CTPS2: variants seen among roughly 807,000 people sequenced by gnomAD.
CTPS2 encodes CTP synthase 2.
A neutral mutation model predicts 46.8 loss-of-function variants in CTPS2; 19 were observed. The observed-to-expected ratio is 0.41, with a 90% CI of 0.28 to 0.60. The LOEUF is 0.60. Among genes scored for constraint, CTPS2 ranks in the 20% least tolerant of loss-of-function variants. The pLI is 0.35. For synonymous variants in CTPS2, 151 were observed against 165.2 expected, an observed-to-expected ratio of 0.91 and a Z score of 0.66; for missense variants, 286 against 447.6, an observed-to-expected ratio of 0.64 and a Z score of 3.26.
chrX:16,603,612 C>CTAT (rs3053007), intron 17 of CTPS2, among the ~76,000 whole-genome samples: 31,272 of 107,899 alleles, frequency 0.29, 3,845 homozygotes, highest in African/African-American at 0.43. Flanking sequence ...GATACACTCA[C>CTAT]TATTATTACA....
intron 13 of CTPS2, among the ~76,000 whole-genome samples, chrX:16,640,222 G>A (rs1932013772): frequency 9.0e-6 from 1 of 111,664 alleles, no homozygotes; most frequent in Admixed American, 9.6e-5. Flanking sequence ...CTGAGTGCTG[G>A]TTCTTTGAGT....
intron 17 of CTPS2, among the ~76,000 whole-genome samples, chrX:16,593,186 T>C (rs770205710): frequency 3.6e-5 from 4 of 111,565 alleles, no homozygotes; most frequent in Admixed American, 1.9e-4. Flanking sequence ...TCCCAGCACG[T>C]TGGGAGGCCA....
At chrX:16,601,828 C>A (rs1221502681) in intron 17 of CTPS2, among the ~76,000 whole-genome samples, 1 of 111,990 alleles carries the variant, frequency 8.9e-6, no homozygotes, top group African/African-American at 3.3e-5. Flanking sequence ...TCATTTCTGC[C>A]ATGTCAAGTG....
chrX:16,639,957 C>T (rs1431217479), intron 13 of CTPS2, among the ~76,000 whole-genome samples: 3 of 111,320 alleles, frequency 2.7e-5, no homozygotes, highest in Non-Finnish European at 5.7e-5. Context: ...TCTGTCAAGT[C>T]CTGTGGATTT....
chrX:16,646,248 G>A (rs964763032), intron 13 of CTPS2, among the ~76,000 whole-genome samples: 1 of 112,469 alleles, frequency 8.9e-6, no homozygotes, highest in African/African-American at 3.2e-5. Context: ...GGTTGAGGGT[G>A]CAGGCTGGGC....
intron 13 of CTPS2, among the ~76,000 whole-genome samples, chrX:16,652,350 A>G (rs2147266014): frequency 8.9e-6 from 1 of 112,123 alleles, no homozygotes; most frequent in Non-Finnish European, 1.9e-5. Flanking sequence ...TTTTAACCAG[A>G]AATGTCCCTT....
At chrX:16,686,229 C>T (rs1051291399) in intron 8 of CTPS2, among the ~76,000 whole-genome samples, 6 of 112,174 alleles carry the variant, frequency 5.3e-5, no homozygotes, top group Non-Finnish European at 1.9e-5. Flanking sequence ...AAAGAGTATA[C>T]TTGGATTGTT....
chrX:16,674,566 T>C (rs769887284), intron 10 of CTPS2, among the ~76,000 whole-genome samples: 91 of 110,599 alleles, frequency 8.2e-4, no homozygotes, highest in South Asian at 1.5e-3. Context: ...AGGCCGGGCA[T>C]GGTGGCTCAC....
intron 13 of CTPS2, among the ~76,000 whole-genome samples, chrX:16,649,124 G>A (rs997377603): frequency 1.9e-4 from 21 of 112,369 alleles, no homozygotes; most frequent in Non-Finnish European, 3.0e-4. Flanking sequence ...TTAAATCATG[G>A]CAGTTACAAA....
At chrX:16,612,031 T>A (rs992716239) in intron 16 of CTPS2, among the ~76,000 whole-genome samples, 2 of 111,720 alleles carry the variant, frequency 1.8e-5, no homozygotes, top group Admixed American at 9.5e-5. Flanking sequence ...TGCTGAGCAA[T>A]GTAATCATGT....
At chrX:16,604,601 C>T (rs890067779) in intron 17 of CTPS2, among the ~76,000 whole-genome samples, 11 of 105,514 alleles carry the variant, frequency 1.0e-4, no homozygotes, top group Admixed American at 9.4e-4. Flanking sequence ...CCAAGGTGGG[C>T]GGATTGCTTG....
intron 14 of CTPS2, among the ~76,000 whole-genome samples, chrX:16,636,554 A>C (rs1306408616): frequency 1.8e-5 from 2 of 112,234 alleles, no homozygotes; most frequent in East Asian, 5.6e-4. Flanking sequence ...TAATGGGCAC[A>C]GGGTTTCTAC....
At chrX:16,668,060 C>T (rs1029336392) in intron 11 of CTPS2, among the ~76,000 whole-genome samples, 8 of 109,656 alleles carry the variant, frequency 7.3e-5, no homozygotes, top group Non-Finnish European at 1.3e-4. Context: ...GTCAGGAGTT[C>T]GAGACCAGCC....
At chrX:16,645,904 T>C (rs970181110) in intron 13 of CTPS2, among the ~76,000 whole-genome samples, 2 of 112,725 alleles carry the variant, frequency 1.8e-5, no homozygotes, top group South Asian at 3.6e-4. Context: ...TGTGATGCCT[T>C]CTACCACATG....
At chrX:16,654,324 C>T (rs1416171222) in intron 13 of CTPS2, 4 of 640,018 alleles carry the variant, frequency 6.2e-6, no homozygotes, top group Non-Finnish European at 9.5e-6. Context: ...ACCCCAAGGC[C>T]TCTAATTTCT....
chrX:16,651,197 G>C (rs774114326), intron 13 of CTPS2: 4 of 991,699 alleles, frequency 4.0e-6, no homozygotes, highest in Non-Finnish European at 4.3e-6. Flanking sequence ...AGGGGAGGGA[G>C]GGAGGGGAGA....
At chrX:16,619,499 A>G (rs1330054438) in intron 15 of CTPS2, among the ~76,000 whole-genome samples, 2 of 111,271 alleles carry the variant, frequency 1.8e-5, no homozygotes, top group African/African-American at 6.5e-5. Context: ...AGACCAGCTA[A>G]AGGACGAAGC....
intron 10 of CTPS2, among the ~76,000 whole-genome samples, chrX:16,675,040 C>T (rs993314838): frequency 1.8e-5 from 2 of 109,422 alleles, no homozygotes; most frequent in South Asian, 3.9e-4. Context: ...CTGAGGTGGG[C>T]GAATCACTTG....
intron 10 of CTPS2, among the ~76,000 whole-genome samples, chrX:16,678,044 A>G (rs1389366308): frequency 8.9e-6 from 1 of 111,989 alleles, no homozygotes; most frequent in Non-Finnish European, 1.9e-5. Flanking sequence ...TTAACTTTGC[A>G]TATGTAAGAT....
Sources: gnomAD v4.1 joint callset for allele counts (sites outside exome capture counted in the v4.1 genomes callset) on GRCh38, gnomAD v4.1.1 for gene constraint, MANE v1.5 for transcripts, NCBI Gene and HGNC (gene_info 2026-07-23, HGNC 2026-07-21) for gene names.